Variants in NPEPL1 observed in about 807,000 individuals in gnomAD.
NPEPL1 encodes aminopeptidase like 1, also known as probable aminopeptidase NPEPL1.
In NPEPL1, 45 loss-of-function variants were observed where a neutral mutation model predicts 52.4. That is an observed-to-expected ratio of 0.86 (90% CI 0.68 to 1.10). The LOEUF (loss-of-function observed/expected upper bound fraction) is 1.10. NPEPL1 is among the 50% of genes least tolerant of loss of function. NPEPL1 has a pLI of 0.00. For missense variants in NPEPL1, 696 were observed against 710.9 expected (o/e 0.98, Z 0.24); for synonymous variants, 360 against 314.7 (o/e 1.14, Z -1.52).
At chr20:58,693,080 C>G in intron 1 of NPEPL1, 30 bp downstream of exon 1, 1 of 1,002,782 alleles carries the variant, frequency 1.0e-6, no homozygotes, top group African/African-American at 1.8e-5. Flanking sequence ...CCATGCGACC[C>G]GCGCCGCGGA....
intron 3 of NPEPL1, among the ~76,000 whole-genome samples, chr20:58,697,412 G>C (rs1470265742): frequency 6.6e-6 from 1 of 152,264 alleles, no homozygotes; most frequent in Non-Finnish European, 1.5e-5. Flanking sequence ...CTCACAGACA[G>C]AGAACCCGCT....
rs751621453 is a variant in NPEPL1, at chr20:58,715,029, C to T, written c.1414-139C>T. 1.1e-4 allele frequency: 111 copies of T among 988,914 alleles called. 1 individual carries two copies. Among genetic ancestry groups the T allele is most frequent in the Admixed American group, 3.2e-4 (11 of 34,386 alleles). 61.3% of individuals were successfully genotyped at this position (988,914 alleles called of 1,614,324 possible). ...CAGCAGCATGGAAGGCTCTGGGCTCCGGCTGGTGCTCAGGATCTCCTTCCT... is the reference window on the plus strand; with the variant it reads ...CAGCAGCATGGAAGGCTCTGGGCTCTGGCTGGTGCTCAGGATCTCCTTCCT... On this transcript the variant is annotated intron_variant, in intron 11 of 11. Coordinates refer to ENST00000356091, the MANE Select transcript of NPEPL1 (RefSeq NM_024663.4).
chr20:58,707,073 C>G, intron 6 of NPEPL1, 50 bp from the exon 7 acceptor site: 1 of 1,525,686 alleles, frequency 6.6e-7, no homozygotes, highest in South Asian at 1.2e-5. Flanking sequence ...CGCTGCCAGG[C>G]CTGGACCTCA....
intron 3 of NPEPL1, among the ~76,000 whole-genome samples, chr20:58,695,397 A>G (rs948420306): frequency 1.0e-4 from 9 of 88,420 alleles, no homozygotes; most frequent in African/African-American, 2.5e-4. Flanking sequence ...ATTTCACTCA[A>G]TGCTGAGAAT....
intron 7 of NPEPL1, chr20:58,711,081 C>CG (rs1488429342): frequency 8.2e-6 from 1 of 122,480 alleles, no homozygotes; most frequent in Non-Finnish European, 1.7e-5. Flanking sequence ...CCTCCTCCCC[C>CG]CCCGCCTCCT....
At chr20:58,710,310 T>G (rs1052686122) in intron 7 of NPEPL1, among the ~76,000 whole-genome samples, 6 of 152,206 alleles carry the variant, frequency 3.9e-5, no homozygotes, top group Admixed American at 2.6e-4. Context: ...GCTGGGATTC[T>G]GGCATGGGCC....
intron 6 of NPEPL1, chr20:58,703,983 T>C (rs1568854519): frequency 3.0e-6 from 3 of 985,420 alleles, no homozygotes; most frequent in African/African-American, 1.7e-5. Context: ...CCTGGTTTTT[T>C]ATTTTAAACC....
chr20:58,694,618 GC>G (rs1423291136), intron 3 of NPEPL1, 26 bp downstream of exon 3: 1 of 1,588,414 alleles, frequency 6.3e-7, no homozygotes, highest in African/African-American at 1.3e-5. Context: ...GGCAGACACT[GC>G]CCCTGGGCCC....
intron 3 of NPEPL1, among the ~76,000 whole-genome samples, chr20:58,695,001 T>C (rs1418755821): frequency 3.1e-4 from 1 of 3,250 alleles, no homozygotes; most frequent in Non-Finnish European, 8.2e-4. Flanking sequence ...GGGGTGTGTG[T>C]GTGCATGTGT....
intron 5 of NPEPL1, among the ~76,000 whole-genome samples, chr20:58,699,492 A>G (rs2084566774): frequency 6.6e-6 from 1 of 152,166 alleles, no homozygotes; most frequent in South Asian, 2.1e-4. Flanking sequence ...TCTGATTTGG[A>G]TTCTGGAAGC....
intron 3 of NPEPL1, among the ~76,000 whole-genome samples, chr20:58,695,260 GGTGT>G (rs1568848016): frequency 3.3e-5 from 5 of 151,244 alleles, no homozygotes; most frequent in East Asian, 1.9e-4. Context: ...GTGCATGAGT[GGTGT>G]GTGTGTGTGT....
At chr20:58,692,334 AG>A (rs1427481990), upstream of NPEPL1, 1 of 155,982 alleles carries the variant, frequency 6.4e-6, no homozygotes. The surrounding 1 kb of genome is among the most constrained non-coding windows in gnomAD (Gnocchi z 5.7). Context: ...GTGGGACAAA[AG>A]GACCTGACTC....
chr20:58,709,878 T>C (rs1272036700), intron 7 of NPEPL1, among the ~76,000 whole-genome samples: 3 of 152,192 alleles, frequency 2.0e-5, no homozygotes. Context: ...TGATCTGATC[T>C]GGACGTCTGA....
intron 8 of NPEPL1, 50 bp downstream of exon 8, chr20:58,712,629 C>T: frequency 7.5e-7 from 1 of 1,329,830 alleles, no homozygotes; most frequent in East Asian, 2.3e-5. Context: ...AACTCGCGAC[C>T]CTTCCCGGCC....
At chr20:58,698,900 C>A (rs2296527) in intron 4 of NPEPL1, 127 bp downstream of exon 4, 116,736 of 774,930 alleles carry the variant, frequency 0.15, 14,205 homozygotes, top group African/African-American at 0.55. Flanking sequence ...GGGCTGCCCT[C>A]GGCGGAGCGC....
rs754183746 is a variant in NPEPL1 at position 58,693,970 on chromosome 20, G to A, written c.336+48G>A. 7.3e-6 allele frequency: 11 copies of A among 1,497,624 alleles called. No homozygotes were observed. In the South Asian group the frequency reaches 8.9e-5, roughly 12 times the overall value. 92.8% of individuals were successfully genotyped at this position (1,497,624 alleles called of 1,614,324 possible). A position where few individuals can be genotyped will look rare whatever the true frequency, so the allele number is the denominator to read the frequency against. On this transcript the variant is annotated intron_variant, in intron 2 of 11. Transcript: ENST00000356091. ...GCCACGGTGCTCCTAGTCGGGCAGCGGTGAGCTCGGGCCTGGGGAGCTCAC... is the reference window on the plus strand; with the variant it reads ...GCCACGGTGCTCCTAGTCGGGCAGCAGTGAGCTCGGGCCTGGGGAGCTCAC...
Position 58,693,897 on chromosome 20 carries a change from C to T in NPEPL1, c.311C>T (p.Pro104Leu), listed in dbSNP as rs751090870. The T allele has an allele frequency of 3.6e-5, 58 of 1,609,646 alleles. 1 individual carries two copies. The South Asian group carries it at 6.2e-4, about 17-fold the overall frequency. Residue 104 changes from proline to leucine, a missense_variant, in exon 2 of 12, where the codon CCG (proline) becomes CTG (leucine). Pro to Leu is a moderately conservative substitution (Grantham distance 98, BLOSUM62 -3). Coordinates refer to ENST00000356091, the MANE Select transcript of NPEPL1 (RefSeq NM_024663.4). ...FITRLVRTCL[P>L]PGAHRCIVMV... Reference sequence around the variant, plus strand: ...ACGCGGCTGGTGCGGACCTGCCTGCCGCCCGGAGCGCATCGCTGCATTGTG... The same window carrying T: ...ACGCGGCTGGTGCGGACCTGCCTGCTGCCCGGAGCGCATCGCTGCATTGTG...
chr20:58,707,962 G>C (rs1226265847), intron 7 of NPEPL1, among the ~76,000 whole-genome samples: 3 of 152,142 alleles, frequency 2.0e-5, no homozygotes, highest in Non-Finnish European at 2.9e-5. Flanking sequence ...CGCACCTGTA[G>C]TCTCAGCTAC....
At chr20:58,695,526 G>A (rs2084470377) in intron 3 of NPEPL1, among the ~76,000 whole-genome samples, 1 of 152,172 alleles carries the variant, frequency 6.6e-6, no homozygotes, top group Non-Finnish European at 1.5e-5. Context: ...GCCACCTCCA[G>A]TCCCCGAGCC....
Sources: allele counts gnomAD v4.1 joint callset (sites outside exome capture counted in the v4.1 genomes callset), GRCh38; gene constraint gnomAD v4.1.1; non-coding constraint Gnocchi (gnomAD v3.1); transcripts MANE v1.5; gene names NCBI Gene and HGNC (gene_info 2026-07-23, HGNC 2026-07-21).